The following IL5RA variants were observed in gnomAD, a reference collection of about 807,000 sequenced individuals.
IL5RA encodes the protein interleukin 5 receptor subunit alpha.
In IL5RA, 49 loss-of-function variants were observed where a neutral mutation model predicts 50.0. The observed-to-expected ratio is 0.98, with a 90% CI of 0.78 to 1.24. The LOEUF (loss-of-function observed/expected upper bound fraction) is 1.24. Among genes scored for constraint, IL5RA ranks in the 50% most tolerant of loss-of-function variants. IL5RA has a pLI of 0.00. For synonymous variants in IL5RA, 202 were observed against 174.0 expected (o/e 1.16, Z -1.26); for missense variants, 600 against 500.4 (o/e 1.20, Z -1.90).
rs748207374 is a variant in IL5RA, at chr3:3,076,588, A to G, written c.1034T>C (p.Ile345Thr). ...EHKPLREWFVIVIMATICFIL... is the reference protein window; with the variant it reads ...EHKPLREWFVTVIMATICFIL... ...GAAGCAGATGGTTGCCATAATCACAATGACAAACCACTCTCTCAAGGGCTT... is the reference window on the plus strand; with the variant it reads ...GAAGCAGATGGTTGCCATAATCACAGTGACAAACCACTCTCTCAAGGGCTT... The change falls in exon 10 of 12, where the codon ATT (isoleucine) becomes ACT (threonine). Residue 345 changes from isoleucine to threonine, a missense_variant. Transcript: ENST00000446632. 1.7e-5 allele frequency: 27 copies of G among 1,612,694 alleles called. No individual in the cohort carries two copies. In the East Asian group the frequency reaches 4.9e-4, roughly 29 times the overall value.
chr3:3,084,690 G>A (rs1161674495), intron 9 of IL5RA, among the ~76,000 whole-genome samples: 4 of 152,202 alleles, frequency 2.6e-5, no homozygotes, highest in South Asian at 2.1e-4. Flanking sequence ...GGAACATCTC[G>A]AAAAGAACCC....
In IL5RA at chr3:3,068,110, T is replaced by A. The variant is rs1446351156; in HGVS notation, c.*2115A>T. 1 of 152,362 alleles carries A rather than the reference T, an allele frequency of 6.6e-6. No individual in the cohort carries two copies. The highest frequency in any genetic ancestry group is 2.1e-4 in the South Asian group (1 of 4,824). 9.4% of individuals were successfully genotyped at this position (152,362 alleles called of 1,614,324 possible). A position where few individuals can be genotyped will look rare whatever the true frequency, so the allele number is the denominator to read the frequency against. ...CTGGAGCAGCAGTTCTCCGAGTGTG[T>A]CCTGGAGACCAGCAGCATGAGCATC... On this transcript the variant is annotated 3_prime_UTR_variant, in exon 12 of 12. Transcript: ENST00000446632.
At chr3:3,090,215 G>A (rs1703028877) in intron 9 of IL5RA, 3 of 1,610,186 alleles carry the variant, frequency 1.9e-6, no homozygotes, top group Non-Finnish European at 2.5e-6. Flanking sequence ...GATACGGTGT[G>A]GGGCAGGAAA....
chr3:3,110,040 C>A lies in IL5RA; in HGVS notation c.-241G>T, dbSNP rs1364163341. 1 of 152,170 alleles carries A rather than the reference C, an allele frequency of 6.6e-6. No individual in the cohort carries two copies. Among genetic ancestry groups the A allele is most frequent in the Non-Finnish European group, 1.5e-5 (1 of 68,022 alleles). 9.4% of individuals were successfully genotyped at this position (152,170 alleles called of 1,614,324 possible). A position where few individuals can be genotyped will look rare whatever the true frequency, so the allele number is the denominator to read the frequency against. ...ACTTTTTAACTTAGAGGCGGTTCTT[C>A]ACTCTTTCATCATCACGGCTGTAAT... is the stretch of plus-strand genomic sequence containing the variant. On this transcript the variant is annotated 5_prime_UTR_variant, in exon 1 of 12. The change abolishes the stop of an existing upstream ORF in the 5' untranslated region. Transcript: ENST00000446632.
chr3:3,082,262 T>C (rs1316307917), intron 9 of IL5RA, among the ~76,000 whole-genome samples: 1 of 152,160 alleles, frequency 6.6e-6, no homozygotes, highest in Non-Finnish European at 1.5e-5. Flanking sequence ...GTCTCCAACC[T>C]TGGAGATTAA....
intron 11 of IL5RA, chr3:3,073,787 T>C (rs867326023): frequency 2.2e-6 from 1 of 452,002 alleles, no homozygotes. Context: ...TGTAGAAAAT[T>C]GTCAGCTGAA....
intron 10 of IL5RA, among the ~76,000 whole-genome samples, chr3:3,076,058 T>C (rs1702470327): frequency 6.6e-6 from 1 of 152,264 alleles, no homozygotes; most frequent in Admixed American, 6.5e-5. Flanking sequence ...ACATGCGATT[T>C]CTAGAATCCG....
At chr3:3,088,564 T>C (rs543935155) in intron 9 of IL5RA, among the ~76,000 whole-genome samples, 159 of 152,362 alleles carry the variant, frequency 1.0e-3, no homozygotes, top group African/African-American at 3.7e-3. Context: ...GGCAGAGCCG[T>C]AGCTAAAAAC....
chr3:3,104,909 C>A lies in IL5RA; in HGVS notation c.76G>T (p.Glu26Ter). ...TTGAATAGAAGGTCCTTACTCTTTTCATCAGGAAGTAAGTCAGCTTGCAGT... is the reference window on the plus strand; with the variant it reads ...TTGAATAGAAGGTCCTTACTCTTTTAATCAGGAAGTAAGTCAGCTTGCAGT... ...EILQADLLPD[E>*]KISLLPPVNF... Residue 26 changes from glutamate (E) to a stop codon, truncating the protein, a stop_gained, in exon 3 of 12, where the codon GAA becomes TAA. Transcript: ENST00000446632. LOFTEE classifies it high-confidence loss of function. 2 of 1,598,502 alleles carry A rather than the reference C, an allele frequency of 1.3e-6. No individual in the cohort carries two copies. The highest frequency in any genetic ancestry group is 2.2e-5 in the East Asian group (1 of 44,790).
In IL5RA at chr3:3,109,329, G is replaced by A. The variant is rs549749977; in HGVS notation, c.-146+616C>T. Among the ~76,000 whole-genome samples the A allele has an allele frequency of 1.4e-4, 22 of 152,236 alleles. 1 individual carries two copies. The highest frequency in any genetic ancestry group is 4.8e-4 in the African/African-American group (20 of 41,548). ...CCCTACCAGAAAGAAAAAGCAGAAC[G>A]CCTCCTTCAGTTAGATAAAGTGCCT... On this transcript the variant is annotated intron_variant, in intron 1 of 11. Coordinates refer to ENST00000446632, the MANE Select transcript of IL5RA (RefSeq NM_175726.4).
chr3:3,107,856 A>G (rs1192973251), intron 2 of IL5RA, among the ~76,000 whole-genome samples: 1 of 152,246 alleles, frequency 6.6e-6, no homozygotes, highest in East Asian at 1.9e-4. Context: ...GACAATTAGC[A>G]GTGGATTTCC....
Position 3,095,313 on chromosome 3 carries a change from T to A in IL5RA, c.841A>T (p.Asn281Tyr). The stretch of plus-strand genomic sequence containing the variant: ...TGAGTAATTACCTGCAAATATCCAT[T>A]CCTTGTATTGTGTATTTTTACTTCA... ...DYEVKIHNTR[N>Y]GYLQIEKLMT... Residue 281 changes from asparagine to tyrosine, a missense_variant, in exon 8 of 12, where the codon AAT (asparagine) becomes TAT (tyrosine). Physicochemically the swap from Asn to Tyr is moderately radical, Grantham distance 143. Coordinates refer to ENST00000446632, the MANE Select transcript of IL5RA (RefSeq NM_175726.4). The A allele has an allele frequency of 6.3e-7, 1 of 1,596,632 alleles. No individual in the cohort carries two copies. The highest frequency in any genetic ancestry group is 1.1e-5 in the South Asian group (1 of 88,890).
rs546927559 is a variant in IL5RA, at chr3:3,100,110, C to T, written c.367+1582G>A. Among the ~76,000 whole-genome samples the T allele has an allele frequency of 1.8e-3, 271 of 152,248 alleles. 1 individual carries two copies. The highest frequency in any genetic ancestry group is 2.3e-3 in the Non-Finnish European group (158 of 68,026). ...AAAATACACTGTGGGAAACACTGGC[C>T]TTGTTGGTGGTTGCTCAGAGAAGGA... On this transcript the variant is annotated intron_variant, in intron 5 of 11. Transcript: ENST00000446632.
chr3:3,070,873 G>A (rs532507079), intron 11 of IL5RA, among the ~76,000 whole-genome samples: 42 of 151,910 alleles, frequency 2.8e-4, no homozygotes, highest in Non-Finnish European at 4.6e-4. Context: ...GAGCCACCAC[G>A]CCCGGCCGGA....
At chr3:3,090,595 C>G (rs1279838587) in intron 9 of IL5RA, among the ~76,000 whole-genome samples, 2 of 119,262 alleles carry the variant, frequency 1.7e-5, no homozygotes, top group Non-Finnish European at 3.2e-5. Flanking sequence ...GAGATGGAGT[C>G]TCACTCTATT....
At chr3:3,098,470 C>T (rs565208010) in intron 5 of IL5RA, among the ~76,000 whole-genome samples, 180 bp from the exon 6 acceptor site, 7 of 152,066 alleles carry the variant, frequency 4.6e-5, no homozygotes, top group African/African-American at 1.4e-4. Flanking sequence ...TGCAGTGTTG[C>T]GATCTTGGCT....
At chr3:3,070,648 T>G (rs1356117968) in intron 11 of IL5RA, among the ~76,000 whole-genome samples, 2 of 143,312 alleles carry the variant, frequency 1.4e-5, no homozygotes, top group Admixed American at 1.5e-4. Context: ...AGTGGCATGA[T>G]GTCGGCTCAC....
Position 3,070,164 on chromosome 3 carries a change from T to C in IL5RA, c.*61A>G. Reference sequence around the variant, plus strand: ...CCTCTTAGCCAAGAGCCAGCATCCCTGTTCTTTTCACTGAGGCACTGAGGC... The same window carrying C: ...CCTCTTAGCCAAGAGCCAGCATCCCCGTTCTTTTCACTGAGGCACTGAGGC... On this transcript the variant is annotated 3_prime_UTR_variant, in exon 12 of 12. Coordinates refer to ENST00000446632, the MANE Select transcript of IL5RA (RefSeq NM_175726.4). 9.2e-7 allele frequency: 1 copy of C among 1,084,164 alleles called. No homozygotes were observed. The allele number at this position is 1,084,164 out of a possible 1,614,324, so 67.2% of individuals were successfully genotyped here.
intron 9 of IL5RA, among the ~76,000 whole-genome samples, chr3:3,078,663 ATC>A (rs1440509798): frequency 6.6e-6 from 1 of 152,058 alleles, no homozygotes; most frequent in Non-Finnish European, 1.5e-5. Flanking sequence ...GCAAAACCCC[ATC>A]TCTACTAAAA....
Sources: gnomAD v4.1 joint callset for allele counts (sites outside exome capture counted in the v4.1 genomes callset) on GRCh38, gnomAD v4.1.1 for gene constraint, MANE v1.5 for transcripts, NCBI Gene and HGNC (gene_info 2026-07-23, HGNC 2026-07-21) for gene names.